NPHP4: variants seen among roughly 807,000 people sequenced by gnomAD.
The protein encoded by NPHP4 is nephrocystin 4.
Under a neutral mutation model 155.8 loss-of-function variants are expected in NPHP4, and 151 were observed. The observed-to-expected ratio is 0.97, with a 90% CI of 0.85 to 1.11. The LOEUF is 1.11. Ranked by LOEUF, NPHP4 falls within the 50% of genes least tolerant of loss-of-function variation. NPHP4 has a pLI of 0.00. For missense variants in NPHP4, 1,956 were observed against 1,925.7 expected, an observed-to-expected ratio of 1.02 and a Z score of -0.29; for synonymous variants, 845 against 816.8, an observed-to-expected ratio of 1.03 and a Z score of -0.59.
chr1:5,934,667 T>G (rs1387191063), intron 9 of NPHP4, among the ~76,000 whole-genome samples: 1 of 152,174 alleles, frequency 6.6e-6, no homozygotes, highest in Non-Finnish European at 1.5e-5. Context: ...TTAACACTGC[T>G]GCCTGAGGGC....
At chr1:5,917,746 C>T (rs1645549364) in intron 11 of NPHP4, among the ~76,000 whole-genome samples, 1 of 152,100 alleles carries the variant, frequency 6.6e-6, no homozygotes, top group African/African-American at 2.4e-5. Context: ...ATAAATGCAC[C>T]AACTATCTGC....
chr1:5,930,127 G>A (rs957495554), intron 10 of NPHP4, among the ~76,000 whole-genome samples: 6 of 152,066 alleles, frequency 3.9e-5, no homozygotes, highest in African/African-American at 1.2e-4. Flanking sequence ...TTTAATACCC[G>A]TGAGGTCTGT....
In NPHP4 at chr1:5,867,657, G is replaced by C. The variant is rs1570065023; in HGVS notation, c.3472+83C>G. The C allele has an allele frequency of 2.1e-6, 3 of 1,427,288 alleles. No homozygotes were observed. In the East Asian group the frequency reaches 6.9e-5, roughly 33 times the overall value. 88.4% of individuals were successfully genotyped at this position (1,427,288 alleles called of 1,614,324 possible). On this transcript the variant is annotated intron_variant, in intron 24 of 29. Transcript: ENST00000378156. The surrounding 1 kb of genome is among the most constrained non-coding windows in gnomAD (Gnocchi z 4.1). ...ACAGCACCAGGGCATGAAGCCATGA[G>C]GCCATCTGTCACCCTCAAGAGGTAT...
chr1:5,907,876 G>C (rs976470224), intron 12 of NPHP4, among the ~76,000 whole-genome samples: 7 of 152,326 alleles, frequency 4.6e-5, no homozygotes, highest in Non-Finnish European at 8.8e-5. Context: ...ATAGTACCTG[G>C]CACACGGTGA....
chr1:5,986,183 T>G lies in NPHP4; in HGVS notation c.107A>C (p.Lys36Thr), dbSNP rs1374982489. 1 of 1,613,800 alleles carries G rather than the reference T, an allele frequency of 6.2e-7. No homozygotes were observed. The highest frequency in any genetic ancestry group is 8.5e-7 in the Non-Finnish European group (1 of 1,179,884). Reference sequence around the variant, plus strand: ...CCTAATTACCGGTCCGTCCAGCCACTTGAGGACACACTGGAATGCCGTGGA... The same window carrying G: ...CCTAATTACCGGTCCGTCCAGCCACGTGAGGACACACTGGAATGCCGTGGA... ...KESTAFQCVL[K>T]WLDGPVIRQG... Residue 36 changes from lysine (K) to threonine (T), a missense_variant, in exon 2 of 30, where the codon AAG becomes ACG. Lys to Thr is a moderately conservative substitution (Grantham distance 78, BLOSUM62 -1). Coordinates refer to ENST00000378156, the MANE Select transcript of NPHP4 (RefSeq NM_015102.5).
chr1:5,879,816 AACACACACACACACGCAAACAC>A (rs1643046011), intron 19 of NPHP4, among the ~76,000 whole-genome samples: 7 of 126,300 alleles, frequency 5.5e-5, no homozygotes, highest in African/African-American at 2.0e-4. Flanking sequence ...CACACACGCA[AACACACACACACACGCAAACAC>A]ACACAGACAC....
At chr1:5,966,750 C>T (rs1224206290) in intron 5 of NPHP4, among the ~76,000 whole-genome samples, 1 of 152,148 alleles carries the variant, frequency 6.6e-6, no homozygotes, top group Admixed American at 6.6e-5. Context: ...CTAGCCCACT[C>T]CCACCCCTCC....
At chr1:5,879,568 A>C (rs1642990614) in intron 19 of NPHP4, 1 of 518,878 alleles carries the variant, frequency 1.9e-6, no homozygotes, top group Non-Finnish European at 3.8e-6. Flanking sequence ...GCAGCCAACC[A>C]GACACAAATG....
intron 29 of NPHP4, chr1:5,863,665 C>T: frequency 1.6e-6 from 1 of 627,574 alleles, no homozygotes; most frequent in Non-Finnish European, 2.8e-6. Flanking sequence ...CATGAAAAGC[C>T]CTGGGCACAA....
intron 2 of NPHP4, among the ~76,000 whole-genome samples, chr1:5,981,317 G>T (rs1654652548): frequency 6.6e-6 from 1 of 152,122 alleles, no homozygotes; most frequent in South Asian, 2.1e-4. Context: ...ATTCAAATAA[G>T]AATCCACTGA....
At chr1:5,884,980 C>G (rs1643655481) in intron 18 of NPHP4, among the ~76,000 whole-genome samples, 1 of 140,376 alleles carries the variant, frequency 7.1e-6, no homozygotes, top group African/African-American at 2.7e-5. Context: ...TACTCCACAA[C>G]CAAGATCACT....
intron 11 of NPHP4, among the ~76,000 whole-genome samples, chr1:5,921,172 C>T (rs997905345): frequency 1.3e-5 from 2 of 152,210 alleles, no homozygotes; most frequent in African/African-American, 4.8e-5. Flanking sequence ...TTCAACATGC[C>T]TTTGTGAAGG....
At chr1:5,970,229 G>A (rs1652315946) in intron 3 of NPHP4, among the ~76,000 whole-genome samples, 1 of 152,142 alleles carries the variant, frequency 6.6e-6, no homozygotes, top group South Asian at 2.1e-4. Context: ...AGGGGCCTGG[G>A]GTGGTGGCTC....
At chr1:5,959,839 A>G (rs1649974860) in intron 6 of NPHP4, among the ~76,000 whole-genome samples, 1 of 152,224 alleles carries the variant, frequency 6.6e-6, no homozygotes, top group Non-Finnish European at 1.5e-5. Context: ...TAGTCCCAAG[A>G]TTAGTATCAA....
intron 13 of NPHP4, among the ~76,000 whole-genome samples, chr1:5,906,696 C>T (rs781015489): frequency 2.0e-5 from 3 of 152,262 alleles, no homozygotes; most frequent in Non-Finnish European, 4.4e-5. Context: ...GCCAGGAGCA[C>T]ACCCTGAAGC....
intron 11 of NPHP4, among the ~76,000 whole-genome samples, chr1:5,919,041 C>T (rs960012371): frequency 3.3e-5 from 5 of 152,180 alleles, no homozygotes; most frequent in Non-Finnish European, 7.3e-5. Flanking sequence ...ACAATCTGTG[C>T]GTATCAACAA....
At chr1:5,879,820 C>A (rs113116896) in intron 19 of NPHP4, among the ~76,000 whole-genome samples, 4 of 141,436 alleles carry the variant, frequency 2.8e-5, no homozygotes, top group Non-Finnish European at 6.1e-5. Context: ...CACGCAAACA[C>A]ACACACACAC....
At position 5,864,006 on chromosome 1, in the gene NPHP4, C is replaced by A. The variant is rs769051741; in HGVS notation, c.4024G>T (p.Glu1342Ter). The part of the protein sequence containing the change: ...KAFEIMLAAG[E>*]GKGVNKRITY... ...ATCCTCTTGTTGACACCCTTCCCTT[C>A]GCCCGCAGCCAACATGATCTCAAAG... Residue 1342 changes from glutamate (E) to a stop codon, truncating the protein, a stop_gained, in exon 29 of 30, where the codon GAA (glutamate) becomes TAA (stop). Transcript: ENST00000378156. LOFTEE classifies it high-confidence loss of function. 13 of 1,613,540 alleles carry A rather than the reference C, an allele frequency of 8.1e-6. No individual in the cohort carries two copies. The highest frequency in any genetic ancestry group is 1.1e-5 in the Non-Finnish European group (13 of 1,179,730).
chr1:5,930,993 G>A (rs984721475), intron 10 of NPHP4, among the ~76,000 whole-genome samples: 2 of 152,148 alleles, frequency 1.3e-5, no homozygotes, highest in Non-Finnish European at 2.9e-5. Flanking sequence ...CTTGGCAACT[G>A]ACCCTTTTAT....
Sources: allele counts gnomAD v4.1 joint callset (sites outside exome capture counted in the v4.1 genomes callset), GRCh38; gene constraint gnomAD v4.1.1; non-coding constraint Gnocchi (gnomAD v3.1); transcripts MANE v1.5; gene names NCBI Gene and HGNC (gene_info 2026-07-23, HGNC 2026-07-21).